The following ARG2 variants were observed in gnomAD, a reference collection of about 807,000 sequenced individuals.
ARG2 encodes the protein arginase 2.
Under a neutral mutation model 39.4 loss-of-function variants are expected in ARG2, and 21 were observed. The observed-to-expected ratio is 0.53, with a 90% CI of 0.38 to 0.77. The LOEUF (loss-of-function observed/expected upper bound fraction) is 0.77. ARG2 is among the 30% of genes least tolerant of loss of function. The pLI is 0.00. For missense variants in ARG2, 378 were observed against 426.2 expected, an observed-to-expected ratio of 0.89 and a Z score of 1.00; for synonymous variants, 150 against 156.7, an observed-to-expected ratio of 0.96 and a Z score of 0.32.
chr14:67,632,539 G>A (rs941529450), intron 2 of ARG2, among the ~76,000 whole-genome samples: 1 of 152,060 alleles, frequency 6.6e-6, no homozygotes, highest in Non-Finnish European at 1.5e-5. Context: ...TTGGAGCAAG[G>A]TGCCCACCAT....
chr14:67,627,747 C>T (rs1355834948), intron 2 of ARG2, among the ~76,000 whole-genome samples: 1 of 152,158 alleles, frequency 6.6e-6, no homozygotes, highest in African/African-American at 2.4e-5. Flanking sequence ...TCAGCCTGGA[C>T]AATGTAGCAA....
In ARG2 at chr14:67,627,306, T is replaced by C. The variant is rs1379968307; in HGVS notation, c.184+6340T>C. 4.0e-5 allele frequency among the ~76,000 whole-genome samples: 6 copies of C among 148,294 alleles called. No homozygotes were observed. In the East Asian group the frequency reaches 5.9e-4, roughly 15 times the overall value. ...ATCTGAAACTTCTGAATTGCTAATA[T>C]TGATCTGTTTTGTGACTTGGGTAGT... On this transcript the variant is annotated intron_variant, in intron 2 of 7. Coordinates refer to ENST00000261783, the MANE Select transcript of ARG2 (RefSeq NM_001172.4).
intron 1 of ARG2, 47 bp downstream of exon 1, chr14:67,620,135 A>G: frequency 7.3e-7 from 1 of 1,373,242 alleles, no homozygotes; most frequent in Non-Finnish European, 1.0e-6. Flanking sequence ...TCCGCCCCCT[A>G]GAACCTGGAG....
Position 67,620,053 on chromosome 14 carries a change from G to A in ARG2, c.76G>A (p.Val26Met), listed in dbSNP as rs1489253201. The change falls in exon 1 of 8, where the codon GTG (valine) becomes ATG (methionine). Residue 26 changes from valine (V) to methionine (M), a missense_variant. Physicochemically the swap from Val to Met is conservative, Grantham distance 21. Transcript: ENST00000261783. ...CATCCTGAAGAAATCCGTCCACTCC[G>A]TGGCTGTGATAGGAGCCCCGTTCTC... ...HSILKKSVHS[V>M]AVIGAPFSQG... 1.2e-6 allele frequency: 2 copies of A among 1,611,458 alleles called. No homozygotes were observed. The highest frequency in any genetic ancestry group is 4.5e-5 in the East Asian group (2 of 44,568).
chr14:67,631,872 C>G (rs953446272), intron 2 of ARG2, among the ~76,000 whole-genome samples: 4 of 151,876 alleles, frequency 2.6e-5, no homozygotes, highest in Non-Finnish European at 4.4e-5. Flanking sequence ...ACCCAAAGCT[C>G]TATTTTTTTA....
At chr14:67,637,783 G>C (rs1438569329) in intron 2 of ARG2, among the ~76,000 whole-genome samples, 1 of 152,190 alleles carries the variant, frequency 6.6e-6, no homozygotes, top group African/African-American at 2.4e-5. Flanking sequence ...TGTTCTTAAA[G>C]GTTATGGCAG....
chr14:67,645,745 A>G lies in ARG2; in HGVS notation c.465A>G (p.Ser155=), dbSNP rs1384349254. The G allele has an allele frequency of 6.2e-7, 1 of 1,614,012 alleles. No homozygotes were observed. The highest frequency in any genetic ancestry group is 1.1e-5 in the South Asian group (1 of 91,080). Residue 155 remains serine, a synonymous_variant, in exon 4 of 8, where the codon TCA becomes TCG. Transcript: ENST00000261783. ...HADINTPLTT[S]SGNLHGQPVS... ...ACATCAACACACCCCTTACCACTTCATCAGGAAATCTCCATGGACAGCCAG... is the reference window on the plus strand; with the variant it reads ...ACATCAACACACCCCTTACCACTTCGTCAGGAAATCTCCATGGACAGCCAG...
intron 3 of ARG2, 87 bp downstream of exon 3, chr14:67,642,450 G>A: frequency 1.4e-6 from 2 of 1,443,678 alleles, no homozygotes; most frequent in Non-Finnish European, 1.9e-6. Flanking sequence ...TTCTTCATCT[G>A]GAGAAAAATA....
chr14:67,642,565 T>C (rs1241543165), intron 3 of ARG2, among the ~76,000 whole-genome samples: 1 of 152,142 alleles, frequency 6.6e-6, no homozygotes, highest in Non-Finnish European at 1.5e-5. Context: ...GTATGACACA[T>C]TGCACAGTAA....
chr14:67,637,649 G>A (rs181585533), intron 2 of ARG2, among the ~76,000 whole-genome samples: 6 of 152,212 alleles, frequency 3.9e-5, no homozygotes, highest in Admixed American at 2.0e-4. Context: ...GGCACAGTGG[G>A]CATTAGAGGA....
Position 67,647,185 on chromosome 14 carries a change from C to G in ARG2, c.722+160C>G, listed in dbSNP as rs970080122. ...CAAAATTTGAAACACAGGTCATATTCTTCCTCTGGGGTTTTTGGGAGGAGG... is the reference window on the plus strand; with the variant it reads ...CAAAATTTGAAACACAGGTCATATTGTTCCTCTGGGGTTTTTGGGAGGAGG... On this transcript the variant is annotated intron_variant, in intron 6 of 7. Transcript: ENST00000261783. The G allele has an allele frequency of 1.1e-5, 6 of 539,754 alleles. No individual in the cohort carries two copies. The East Asian group carries it at 1.5e-4, about 13-fold the overall frequency. The allele number at this position is 539,754 out of a possible 1,614,324, so 33.4% of individuals were successfully genotyped here.
Position 67,650,744 on chromosome 14 carries a change from G to A in ARG2, c.889G>A (p.Val297Ile). 1 of 1,614,098 alleles carries A rather than the reference G, an allele frequency of 6.2e-7. No homozygotes were observed. The highest frequency in any genetic ancestry group is 8.5e-7 in the Non-Finnish European group (1 of 1,180,016). The stretch of plus-strand genomic sequence containing the variant: ...GCTATCAGCACTGGATCTTGTTGAA[G>A]TCAATCCTCAGTTGGCCACCTCAGA... ...GLLSALDLVE[V>I]NPQLATSEEE... The change falls in exon 8 of 8, where the codon GTC (valine) becomes ATC (isoleucine). Residue 297 changes from valine (V) to isoleucine (I), a missense_variant. Physicochemically the swap from Val to Ile is conservative, Grantham distance 29. Coordinates refer to ENST00000261783, the MANE Select transcript of ARG2 (RefSeq NM_001172.4).
intron 2 of ARG2, among the ~76,000 whole-genome samples, chr14:67,625,952 T>C (rs924349553): frequency 2.0e-5 from 3 of 151,952 alleles, no homozygotes; most frequent in Admixed American, 1.3e-4. Flanking sequence ...ATTACGGAAA[T>C]GCAAATTTAA....
chr14:67,646,788 G>A, intron 5 of ARG2, 50 bp downstream of exon 5: 8 of 1,519,508 alleles, frequency 5.3e-6, no homozygotes, highest in Non-Finnish European at 7.3e-6. Context: ...AGCCAATTAT[G>A]TTCTATTTGA....
chr14:67,626,421 GT>G (rs2036866857), intron 2 of ARG2, among the ~76,000 whole-genome samples: 2 of 152,344 alleles, frequency 1.3e-5, no homozygotes, highest in Admixed American at 1.3e-4. Flanking sequence ...TTGGAAAACA[GT>G]TTGGCAGATC....
intron 2 of ARG2, among the ~76,000 whole-genome samples, chr14:67,633,424 C>T (rs977109482): frequency 9.8e-5 from 15 of 152,290 alleles, no homozygotes; most frequent in African/African-American, 3.1e-4. Context: ...CAGCCATTGA[C>T]GATTGCCTAG....
chr14:67,642,436 C>G, intron 3 of ARG2, 73 bp downstream of exon 3: 1 of 1,520,506 alleles, frequency 6.6e-7, no homozygotes, highest in Non-Finnish European at 8.9e-7. Context: ...GCTTCTTTAT[C>G]TGTTTCTTCA....
intron 2 of ARG2, among the ~76,000 whole-genome samples, chr14:67,622,603 GTT>G (rs1026177178): frequency 6.6e-6 from 1 of 152,220 alleles, no homozygotes; most frequent in Non-Finnish European, 1.5e-5. Flanking sequence ...ATGGGAGGAA[GTT>G]TTTATTCCCG....
intron 3 of ARG2, among the ~76,000 whole-genome samples, chr14:67,643,486 G>C (rs1188589770): frequency 1.3e-5 from 2 of 152,146 alleles, no homozygotes; most frequent in African/African-American, 2.4e-5. Context: ...TGGTAGATAT[G>C]GTTTTATCAT....
Sources: allele counts gnomAD v4.1 joint callset (sites outside exome capture counted in the v4.1 genomes callset), GRCh38; gene constraint gnomAD v4.1.1; transcripts MANE v1.5; gene names NCBI Gene and HGNC (gene_info 2026-07-23, HGNC 2026-07-21).